Variants in TESPA1 observed in about 807,000 individuals in gnomAD.
TESPA1 encodes thymocyte expressed, positive selection associated 1, also known as protein TESPA1.
A neutral mutation model predicts 57.9 loss-of-function variants in TESPA1; 33 were observed. The ratio of observed to expected loss-of-function variants is 0.57; its 90% CI spans 0.43 to 0.76. TESPA1 has a LOEUF of 0.76. Among genes scored for constraint, TESPA1 ranks in the 30% least tolerant of loss-of-function variants. The pLI, the probability that TESPA1 is intolerant of heterozygous loss-of-function variation, is 0.00. For missense variants in TESPA1, 618 were observed against 632.9 expected, an observed-to-expected ratio of 0.98 and a Z score of 0.25; for synonymous variants, 227 against 228.9, an observed-to-expected ratio of 0.99 and a Z score of 0.07.
intron 6 of TESPA1, 65 bp downstream of exon 6, chr12:54,966,323 G>A: frequency 6.2e-7 from 1 of 1,608,328 alleles, no homozygotes; most frequent in Non-Finnish European, 8.5e-7. Flanking sequence ...TAATCTCTTT[G>A]ACCTACCCCA....
chr12:54,961,588 T>C (rs1482176965), intron 9 of TESPA1, among the ~76,000 whole-genome samples: 1 of 152,160 alleles, frequency 6.6e-6, no homozygotes, highest in East Asian at 1.9e-4. Context: ...TTCTGAGTCT[T>C]AGAGGGTCAG....
rs933377455 is a variant in TESPA1 at position 54,973,818 on chromosome 12, TAAAAAG to T, written c.164-305_164-300del. ...CCCACAAGGGTGGATCCTTCTCATTTAAAAAGAAAAAGAAAAAGAAAGACAATCTTG... is the reference window on the plus strand; with the variant it reads ...CCCACAAGGGTGGATCCTTCTCATTTAAAAAGAAAAAGAAAGACAATCTTG... On this transcript the variant is annotated intron_variant, in intron 2 of 10. Transcript: ENST00000449076. 1.2e-5 allele frequency: 14 copies of T among 1,153,866 alleles called. No individual in the cohort carries two copies. In the East Asian group the frequency reaches 1.8e-4, roughly 15 times the overall value. The allele number at this position is 1,153,866 out of a possible 1,614,324, so 71.5% of individuals were successfully genotyped here. A position where few individuals can be genotyped will look rare whatever the true frequency, so the allele number is the denominator to read the frequency against.
At chr12:54,955,766 C>T (rs955346503) in intron 10 of TESPA1, among the ~76,000 whole-genome samples, 1 of 152,104 alleles carries the variant, frequency 6.6e-6, no homozygotes, top group Non-Finnish European at 1.5e-5. Context: ...GGAGTGATTT[C>T]CTGGGGTGGG....
chr12:54,949,694 G>T lies in TESPA1; in HGVS notation c.*698C>A, dbSNP rs991697888. 6.6e-6 allele frequency: 1 copy of T among 152,432 alleles called. No individual in the cohort carries two copies. Among genetic ancestry groups the T allele is most frequent in the African/African-American group, 2.4e-5 (1 of 41,392 alleles). 9.4% of individuals were successfully genotyped at this position (152,432 alleles called of 1,614,324 possible). On this transcript the variant is annotated 3_prime_UTR_variant, in exon 11 of 11. Transcript: ENST00000449076. ...AATAGCATTTTTTCCCCCCACAATG[G>T]CTAGGAGAAGAGACTCTGAATCCTA... is the stretch of plus-strand genomic sequence containing the variant.
chr12:54,953,403 C>T (rs1216484257), intron 10 of TESPA1, among the ~76,000 whole-genome samples: 4 of 152,170 alleles, frequency 2.6e-5, no homozygotes, highest in Admixed American at 2.0e-4. Flanking sequence ...TTACCTTTCT[C>T]TCTGCCTAGA....
At chr12:54,965,252 C>T (rs553423710) in intron 7 of TESPA1, among the ~76,000 whole-genome samples, 11 of 152,180 alleles carry the variant, frequency 7.2e-5, no homozygotes, top group East Asian at 1.9e-4. Context: ...CATAGGTAAA[C>T]GTGTGCTAGG....
chr12:54,956,010 G>A (rs7136501), intron 10 of TESPA1, among the ~76,000 whole-genome samples: 31,223 of 152,078 alleles, frequency 0.21, 5,459 homozygotes, highest in East Asian at 0.84. Context: ...AAGACCTTAT[G>A]TCATAGGATG....
rs1386806 is a variant in TESPA1 at position 54,950,410 on chromosome 12, G to A, written c.*2-20C>T. On this transcript the variant is annotated intron_variant, in intron 10 of 10. Coordinates refer to ENST00000449076, the MANE Select transcript of TESPA1 (RefSeq NM_001136030.3). ...GAAAGCCTGCAATGGGAATAAAAAA[G>A]ATACATATCATGCATTTTTTAAACA... The A allele has an allele frequency of 0.22, 97,878 of 445,728 alleles. 19,433 individuals are homozygous for A. The highest frequency in any genetic ancestry group is 0.84 in the East Asian group (11,992 of 14,196). 27.6% of individuals were successfully genotyped at this position (445,728 alleles called of 1,614,324 possible).
chr12:54,973,951 G>C, intron 2 of TESPA1: 1 of 1,003,280 alleles, frequency 1.0e-6, no homozygotes, highest in Non-Finnish European at 1.2e-6. Context: ...AAGAAGCTCT[G>C]AGAAGTGTAG....
At chr12:54,959,775 T>C (rs2256865) in intron 10 of TESPA1, among the ~76,000 whole-genome samples, 92,896 of 152,098 alleles carry the variant, frequency 0.61, 29,209 homozygotes, top group Non-Finnish European at 0.68. Context: ...TTTTTACTTG[T>C]TGTTTGGGTG....
intron 1 of TESPA1, among the ~76,000 whole-genome samples, chr12:54,979,443 C>T (rs1952238180): frequency 6.6e-6 from 1 of 152,208 alleles, no homozygotes; most frequent in East Asian, 1.9e-4. Flanking sequence ...TCCGCCCAAA[C>T]CCTCATGTCC....
In TESPA1 at chr12:54,963,785, C is replaced by G. The variant is rs1323208662; in HGVS notation, c.612G>C (p.Gln204His). The change falls in exon 8 of 11, where the codon CAG (glutamine) becomes CAC (histidine). Residue 204 changes from glutamine (Q) to histidine (H), a missense_variant. This residue lies in a region of TESPA1 where 409 missense variants were observed against 420.1 expected (regional missense o/e 0.97). Coordinates refer to ENST00000449076, the MANE Select transcript of TESPA1 (RefSeq NM_001136030.3). ...GGTCTTCCATTTCAATCCTCCGCAC[C>G]TGGGACTTCAGGAAGAGCTGGAAAT... is the stretch of plus-strand genomic sequence containing the variant. ...GIDFQLFLKS[Q>H]VRRIEMEDPC... 1 of 1,613,884 alleles carries G rather than the reference C, an allele frequency of 6.2e-7. No homozygotes were observed. Among genetic ancestry groups the G allele is most frequent in the Admixed American group, 1.7e-5 (1 of 60,020 alleles).
In TESPA1 at chr12:54,949,088, TGG is replaced by T. The variant is rs35744508; in HGVS notation, c.*1302_*1303del. On this transcript the variant is annotated 3_prime_UTR_variant, in exon 11 of 11. Coordinates refer to ENST00000449076, the MANE Select transcript of TESPA1 (RefSeq NM_001136030.3). ...GGTGGGAAGGGTAGGAAACTTGGAG[TGG>T]GGGGGCTTTTTCCAAATTGTGAAAC... The T allele has an allele frequency of 2.0e-5, 3 of 151,924 alleles. No homozygotes were observed. The East Asian group carries it at 5.8e-4, about 29-fold the overall frequency. 9.4% of individuals were successfully genotyped at this position (151,924 alleles called of 1,614,324 possible). A position where few individuals can be genotyped will look rare whatever the true frequency, so the allele number is the denominator to read the frequency against.
intron 1 of TESPA1, chr12:54,982,053 C>T (rs1952341708): frequency 6.6e-6 from 1 of 152,242 alleles, no homozygotes; most frequent in South Asian, 2.1e-4. Flanking sequence ...CCAAGATATA[C>T]ATCATTACCA....
intron 10 of TESPA1, among the ~76,000 whole-genome samples, chr12:54,959,436 G>A (rs901844765): frequency 1.3e-5 from 2 of 152,204 alleles, no homozygotes; most frequent in Non-Finnish European, 2.9e-5. Flanking sequence ...AACACTAGGG[G>A]ATTTTTCTCC....
At chr12:54,975,683 GAATAAAATAA>G (rs59729826) in intron 1 of TESPA1, among the ~76,000 whole-genome samples, 216 of 148,618 alleles carry the variant, frequency 1.5e-3, no homozygotes, top group African/African-American at 1.7e-3. Context: ...TTAACTATTG[GAATAAAATAA>G]AATAAAATAA....
chr12:54,966,731 C>T (rs922020951), intron 5 of TESPA1, among the ~76,000 whole-genome samples: 31 of 152,152 alleles, frequency 2.0e-4, no homozygotes, highest in African/African-American at 7.2e-4. Flanking sequence ...GGCTAGTGTT[C>T]CTGTCCCCCT....
At position 54,949,936 on chromosome 12, in the gene TESPA1, A is replaced by G. The variant is rs1205927237; in HGVS notation, c.*456T>C. On this transcript the variant is annotated 3_prime_UTR_variant, in exon 11 of 11. Coordinates refer to ENST00000449076, the MANE Select transcript of TESPA1 (RefSeq NM_001136030.3). ...AGATGTACCATGCTTTTAGAGCCAG[A>G]AAGTGAGGTGTCCTTCCTCTCTTCA... is the stretch of plus-strand genomic sequence containing the variant. The G allele has an allele frequency of 4.4e-5, 8 of 181,562 alleles. No homozygotes were observed. The highest frequency in any genetic ancestry group is 1.9e-4 in the African/African-American group (8 of 41,970). 11.2% of individuals were successfully genotyped at this position (181,562 alleles called of 1,614,324 possible).
intron 1 of TESPA1, among the ~76,000 whole-genome samples, chr12:54,981,122 A>G (rs1307099184): frequency 6.6e-6 from 1 of 152,000 alleles, no homozygotes; most frequent in South Asian, 2.1e-4. Flanking sequence ...TACTGTGCCA[A>G]ACTAGTTGGG....
Sources: gnomAD v4.1 joint callset for allele counts (sites outside exome capture counted in the v4.1 genomes callset) on GRCh38, gnomAD v4.1.1 for gene constraint, gnomAD v4.1.1 regional missense constraint, MANE v1.5 for transcripts, NCBI Gene and HGNC (gene_info 2026-07-23, HGNC 2026-07-21) for gene names.